The following HECW2 variants were observed in gnomAD, a reference collection of about 807,000 sequenced individuals.
HECW2 encodes the protein HECT, C2 and WW domain containing E3 ubiquitin protein ligase 2, also known as E3 ubiquitin-protein ligase HECW2.
In HECW2, 61 loss-of-function variants were observed where a neutral mutation model predicts 175.2. The observed-to-expected ratio is 0.35, with a 90% CI of 0.28 to 0.43. The LOEUF is 0.43. HECW2 is among the 20% of genes least tolerant of loss of function. HECW2 has a pLI of 1.00. For synonymous variants in HECW2, 671 were observed against 731.0 expected (o/e 0.92, Z 1.32); for missense variants, 1,524 against 2,000.5 (o/e 0.76, Z 4.54).
chr2:196,284,864 A>AT (rs79578420), intron 14 of HECW2, among the ~76,000 whole-genome samples: 141,925 of 151,984 alleles, frequency 0.93, 66,659 homozygotes, highest in Non-Finnish European at 0.98. Context: ...GAAAAAAGAA[A>AT]AATATGGAAA....
intron 1 of HECW2, among the ~76,000 whole-genome samples, chr2:196,477,003 C>T (rs979483301): frequency 6.9e-6 from 1 of 143,932 alleles, no homozygotes; most frequent in Non-Finnish European, 1.5e-5. Flanking sequence ...ATTAGCCAGG[C>T]GTGGTGGCAC....
intron 7 of HECW2, 23 bp downstream of exon 7, chr2:196,322,455 C>A (rs1013594038): frequency 1.9e-6 from 3 of 1,601,924 alleles, no homozygotes; most frequent in East Asian, 4.5e-5. Flanking sequence ...TCAACAAGAT[C>A]CCCAAAGGTA....
chr2:196,337,875 G>A (rs2105813362), intron 3 of HECW2, among the ~76,000 whole-genome samples: 1 of 152,240 alleles, frequency 6.6e-6, no homozygotes, highest in East Asian at 1.9e-4. Context: ...CTTCTGGACA[G>A]CTGAAGCCAG....
intron 2 of HECW2, among the ~76,000 whole-genome samples, chr2:196,353,648 C>G (rs1185346936): frequency 6.6e-6 from 1 of 152,206 alleles, no homozygotes; most frequent in African/African-American, 2.4e-5. Context: ...AGCCTGAAGG[C>G]TGAAAGACCA....
At chr2:196,387,515 C>T (rs1694384096) in intron 2 of HECW2, among the ~76,000 whole-genome samples, 1 of 152,144 alleles carries the variant, frequency 6.6e-6, no homozygotes, top group Non-Finnish European at 1.5e-5. Context: ...ACTTCCCAGC[C>T]TCCAGAACGG....
chr2:196,446,405 G>A lies in HECW2; in HGVS notation c.-35-12947C>T, dbSNP rs570600989. On this transcript the variant is annotated intron_variant, in intron 1 of 28. Coordinates refer to ENST00000644978, the MANE Select transcript of HECW2 (RefSeq NM_001348768.2). ...AGCACTTTTCATATTGTAATATACA[G>A]TATGACTTATTCACCTGTTTATTGC... Among the ~76,000 whole-genome samples, 3 of 152,176 alleles carry A rather than the reference G, an allele frequency of 2.0e-5. No homozygotes were observed. In the East Asian group the frequency reaches 5.8e-4, roughly 29 times the overall value.
intron 1 of HECW2, among the ~76,000 whole-genome samples, chr2:196,580,216 A>T (rs1267724062): frequency 7.0e-6 from 1 of 142,130 alleles, no homozygotes; most frequent in Non-Finnish European, 1.5e-5. Flanking sequence ...GGAGAAATGG[A>T]CAACAATAGT....
intron 2 of HECW2, among the ~76,000 whole-genome samples, chr2:196,370,438 AG>A (rs1177573162): frequency 6.6e-6 from 1 of 152,048 alleles, no homozygotes; most frequent in African/African-American, 2.4e-5. Context: ...CTTCTCCTCA[AG>A]TGGAATGCAG....
At position 196,217,027 on chromosome 2, in the gene HECW2, T is replaced by C. The variant is rs1687499092; in HGVS notation, c.4475A>G (p.Gln1492Arg). ...WAAVERFNNE[Q>R]RLRLLQFVTG... ...TCTCACCTGTAACAACCTTAGTCGT[T>C]GTTCATTGTTGAATCTTTCCACTGC... Residue 1492 changes from glutamine (Q) to arginine (R), a missense_variant, in exon 27 of 29, where the codon CAA becomes CGA. This residue lies in a region of HECW2 where 134 missense variants were observed against 287.8 expected (regional missense o/e 0.47). Coordinates refer to ENST00000644978, the MANE Select transcript of HECW2 (RefSeq NM_001348768.2). The C allele has an allele frequency of 6.5e-7, 1 of 1,535,038 alleles. No homozygotes were observed. Among genetic ancestry groups the C allele is most frequent in the South Asian group, 1.2e-5 (1 of 80,698 alleles).
At chr2:196,396,365 C>T (rs143008084) in intron 2 of HECW2, among the ~76,000 whole-genome samples, 1 of 152,168 alleles carries the variant, frequency 6.6e-6, no homozygotes, top group African/African-American at 2.4e-5. Flanking sequence ...CCCAGGATCT[C>T]TTTACAAAAT....
At chr2:196,495,040 A>G (rs1356122723) in intron 1 of HECW2, among the ~76,000 whole-genome samples, 1 of 152,154 alleles carries the variant, frequency 6.6e-6, no homozygotes, top group Non-Finnish European at 1.5e-5. Context: ...TATGTGATCC[A>G]TAAAAGTTGG....
chr2:196,294,234 T>C (rs1350467140), intron 13 of HECW2, among the ~76,000 whole-genome samples: 1 of 152,220 alleles, frequency 6.6e-6, no homozygotes, highest in East Asian at 1.9e-4. Context: ...TAAATATTTA[T>C]TGCATAATAC....
At chr2:196,202,456 T>G (rs1686894518) in intron 28 of HECW2, among the ~76,000 whole-genome samples, 1 of 152,168 alleles carries the variant, frequency 6.6e-6, no homozygotes, top group Non-Finnish European at 1.5e-5. Flanking sequence ...AGTGAGTTAT[T>G]AAAACTCTGA....
At chr2:196,582,231 T>C (rs1349307759) in intron 1 of HECW2, among the ~76,000 whole-genome samples, 1 of 152,140 alleles carries the variant, frequency 6.6e-6, no homozygotes, top group Non-Finnish European at 1.5e-5. Flanking sequence ...CAATTGAAAA[T>C]CCAGCAAAAT....
chr2:196,488,872 C>A (rs971208918), intron 1 of HECW2, among the ~76,000 whole-genome samples: 3 of 151,986 alleles, frequency 2.0e-5, no homozygotes, highest in African/African-American at 4.8e-5. Context: ...GAGAAGAGCA[C>A]AAAACTCAGT....
At chr2:196,313,279 A>C (rs1193060455) in intron 10 of HECW2, among the ~76,000 whole-genome samples, 6 of 152,238 alleles carry the variant, frequency 3.9e-5, no homozygotes, top group African/African-American at 1.4e-4. Flanking sequence ...AAAAAGACCA[A>C]CATTTGTCAC....
chr2:196,275,154 C>T (rs1411516419), intron 15 of HECW2, among the ~76,000 whole-genome samples: 1 of 152,148 alleles, frequency 6.6e-6, no homozygotes, highest in East Asian at 1.9e-4. Flanking sequence ...TTCTTCAAAG[C>T]GTAGTTCAAA....
At chr2:196,361,786 T>C in intron 2 of HECW2, 1 of 984,220 alleles carries the variant, frequency 1.0e-6, no homozygotes, top group Non-Finnish European at 1.2e-6. Flanking sequence ...GTGGAATTCA[T>C]TCCACAGCAC....
chr2:196,466,200 T>C (rs1696946135), intron 1 of HECW2, among the ~76,000 whole-genome samples: 1 of 152,212 alleles, frequency 6.6e-6, no homozygotes, highest in African/African-American at 2.4e-5. Flanking sequence ...TCTATTAATA[T>C]TTGGCTCCAG....
Sources: gnomAD v4.1 joint callset for allele counts (sites outside exome capture counted in the v4.1 genomes callset) on GRCh38, gnomAD v4.1.1 for gene constraint, gnomAD v4.1.1 regional missense constraint, MANE v1.5 for transcripts, NCBI Gene and HGNC (gene_info 2026-07-23, HGNC 2026-07-21) for gene names.